The following TRAPPC10 variants were observed in gnomAD, a reference collection of about 807,000 sequenced individuals.
TRAPPC10 encodes the protein trafficking protein particle complex subunit 10.
A neutral mutation model predicts 125.5 loss-of-function variants in TRAPPC10; 23 were observed. The observed-to-expected ratio is 0.18, with a 90% CI of 0.13 to 0.26. The LOEUF (loss-of-function observed/expected upper bound fraction) is 0.26. Ranked by LOEUF, TRAPPC10 falls within the 10% of genes least tolerant of loss-of-function variation. The pLI, the probability that TRAPPC10 is intolerant of heterozygous loss-of-function variation, is 1.00. For missense variants in TRAPPC10, 1,123 were observed against 1,308.4 expected, an observed-to-expected ratio of 0.86 and a Z score of 2.19; for synonymous variants, 509 against 518.0, an observed-to-expected ratio of 0.98 and a Z score of 0.24.
At chr21:44,062,438 G>A (rs2036127731) in intron 6 of TRAPPC10, 1 of 526,244 alleles carries the variant, frequency 1.9e-6, no homozygotes, top group Admixed American at 6.4e-5. Context: ...GGGGCAGTAT[G>A]TGCCATTGGA....
At position 44,035,572 on chromosome 21, in the gene TRAPPC10, G is replaced by A. The variant is rs576432105; in HGVS notation, c.150-2220G>A. Among the ~76,000 whole-genome samples, 32 of 152,270 alleles carry A rather than the reference G, an allele frequency of 2.1e-4. No individual in the cohort carries two copies. The South Asian group carries it at 6.2e-3, about 30-fold the overall frequency. On this transcript the variant is annotated intron_variant, in intron 2 of 22. Transcript: ENST00000291574. ...GGGAGGCCAAGGCGGGTAGATTGGAGTTTAAGACCAGCCTGGCCAACATGG... is the reference window on the plus strand; with the variant it reads ...GGGAGGCCAAGGCGGGTAGATTGGAATTTAAGACCAGCCTGGCCAACATGG...
chr21:44,066,238 G>C (rs968292133), intron 7 of TRAPPC10, among the ~76,000 whole-genome samples: 1 of 152,196 alleles, frequency 6.6e-6, no homozygotes, highest in Non-Finnish European at 1.5e-5. Context: ...AGGAGGCAAC[G>C]AAGTGGCCAG....
intron 20 of TRAPPC10, among the ~76,000 whole-genome samples, chr21:44,094,825 T>G (rs984724668): frequency 1.3e-5 from 2 of 152,184 alleles, no homozygotes; most frequent in African/African-American, 4.8e-5. Context: ...TTCTTCTCTT[T>G]ACTATTTGAA....
At chr21:44,092,694 C>T (rs1452058360) in intron 19 of TRAPPC10, among the ~76,000 whole-genome samples, 3 of 152,138 alleles carry the variant, frequency 2.0e-5, no homozygotes, top group South Asian at 4.1e-4. Context: ...CATGTAATAG[C>T]GGTGTTCAGC....
chr21:44,074,790 C>A (rs904343165), intron 8 of TRAPPC10, among the ~76,000 whole-genome samples: 1 of 152,124 alleles, frequency 6.6e-6, no homozygotes, highest in African/African-American at 2.4e-5. Context: ...GTAGGCTGGG[C>A]TTATGCAGGT....
chr21:44,049,161 G>A (rs935877924), intron 3 of TRAPPC10, among the ~76,000 whole-genome samples: 8 of 152,064 alleles, frequency 5.3e-5, no homozygotes, highest in African/African-American at 1.5e-4. Flanking sequence ...TAGAGAACAC[G>A]TGTGTACACC....
At chr21:44,092,134 C>A in intron 19 of TRAPPC10, 85 bp downstream of exon 19, 1 of 1,530,866 alleles carries the variant, frequency 6.5e-7, no homozygotes, top group Non-Finnish European at 8.9e-7. Context: ...TGCGACTGAG[C>A]CTTTAGATAG....
intron 1 of TRAPPC10, among the ~76,000 whole-genome samples, chr21:44,029,932 A>G (rs1054532187): frequency 3.9e-5 from 6 of 152,242 alleles, no homozygotes; most frequent in African/African-American, 1.4e-4. Context: ...CATAACAGGT[A>G]CTGAGGTCAG....
At position 44,032,182 on chromosome 21, in the gene TRAPPC10, G is replaced by T; in HGVS notation, c.149+10G>T. ...CAATGGAATGGAGAAGGTATGAGTT[G>T]TGTGTTTTTTGGCTGTATCCCTCTC... On this transcript the variant is annotated intron_variant, in intron 2 of 22. Transcript: ENST00000291574. 8 of 1,609,798 alleles carry T rather than the reference G, an allele frequency of 5.0e-6. No individual in the cohort carries two copies. The highest frequency in any genetic ancestry group is 6.8e-6 in the Non-Finnish European group (8 of 1,178,110).
At chr21:44,032,786 C>G (rs886881551) in intron 2 of TRAPPC10, among the ~76,000 whole-genome samples, 1 of 152,146 alleles carries the variant, frequency 6.6e-6, no homozygotes, top group African/African-American at 2.4e-5. Context: ...TCATGGTTGA[C>G]CAGAATGTCT....
chr21:44,075,647 G>T (rs1221800624), intron 9 of TRAPPC10, among the ~76,000 whole-genome samples: 1 of 152,082 alleles, frequency 6.6e-6, no homozygotes, highest in African/African-American at 2.4e-5. Context: ...TACCATACTT[G>T]GCTAATTTTT....
intron 9 of TRAPPC10, among the ~76,000 whole-genome samples, chr21:44,075,552 C>T (rs1423978768): frequency 6.6e-6 from 1 of 151,884 alleles, no homozygotes; most frequent in Non-Finnish European, 1.5e-5. Flanking sequence ...GTGGCACAAT[C>T]TTGGCTCACT....
rs199930312 is a variant in TRAPPC10, at chr21:44,061,767, TA to T, written c.791-1770del. ...AAGAATGCCTAGAACTTAATCTGTTTATTTAGGTTTTTAATCGAGAAATCTA... is the reference window on the plus strand; with the variant it reads ...AAGAATGCCTAGAACTTAATCTGTTTTTTAGGTTTTTAATCGAGAAATCTA... On this transcript the variant is annotated intron_variant, in intron 6 of 22. Coordinates refer to ENST00000291574, the MANE Select transcript of TRAPPC10 (RefSeq NM_003274.5). Among the ~76,000 whole-genome samples, 1,453 of 152,348 alleles carry T rather than the reference TA, an allele frequency of 9.5e-3. 27 individuals carry two copies. Among genetic ancestry groups the T allele is most frequent in the African/African-American group, 0.033 (1,381 of 41,574 alleles).
chr21:44,048,191 G>C (rs2145808791), intron 3 of TRAPPC10, among the ~76,000 whole-genome samples: 1 of 152,310 alleles, frequency 6.6e-6, no homozygotes, highest in Non-Finnish European at 1.5e-5. Flanking sequence ...CGAGGGCCCT[G>C]TGCCGGTCTA....
Position 44,083,092 on chromosome 21 carries a change from G to T in TRAPPC10, c.2028G>T (p.Leu676Phe). Residue 676 changes from leucine (L) to phenylalanine (F), a missense_variant, in exon 14 of 23, where the codon TTG becomes TTT. Leu to Phe is a conservative substitution (Grantham distance 22). Around this residue, in one of 4 missense-constraint regions of TRAPPC10, gnomAD observed 840 missense variants for 902.0 expected, o/e 0.93. Coordinates refer to ENST00000291574, the MANE Select transcript of TRAPPC10 (RefSeq NM_003274.5). ...VSQNSLPALE[L>F]YEMFERSPSD... ...AAAACAGTTTGCCCGCGCTGGAGTT[G>T]TATGAAATGTTTGAGAGAAGCCCAT... 1 of 1,614,130 alleles carries T rather than the reference G, an allele frequency of 6.2e-7. No homozygotes were observed. Among genetic ancestry groups the T allele is most frequent in the Non-Finnish European group, 8.5e-7 (1 of 1,180,022 alleles).
rs764555132 is a variant in TRAPPC10 at position 44,087,435 on chromosome 21, T to C, written c.2540-264T>C. On this transcript the variant is annotated intron_variant, in intron 16 of 22. Coordinates refer to ENST00000291574, the MANE Select transcript of TRAPPC10 (RefSeq NM_003274.5). The surrounding 1 kb of genome is among the most constrained non-coding windows in gnomAD (Gnocchi z 4.6). ...AACGGGAGAAAGTCATGCAGGGACC[T>C]ACACAGGACTTGGGTGGGCCCCGTG... is the stretch of plus-strand genomic sequence containing the variant. Among the ~76,000 whole-genome samples the C allele has an allele frequency of 1.3e-5, 2 of 152,244 alleles. No homozygotes were observed. The highest frequency in any genetic ancestry group is 2.9e-5 in the Non-Finnish European group (2 of 68,040).
chr21:44,062,513 A>C (rs2036133540), intron 6 of TRAPPC10: 1 of 984,172 alleles, frequency 1.0e-6, no homozygotes, highest in Non-Finnish European at 1.2e-6. Context: ...CCTGACTGAA[A>C]TGTGGGAGTG....
Position 44,063,424 on chromosome 21 carries a change from A to T in TRAPPC10, c.791-114A>T. 6.9e-7 allele frequency: 1 copy of T among 1,457,362 alleles called. No homozygotes were observed. The highest frequency in any genetic ancestry group is 9.3e-7 in the Non-Finnish European group (1 of 1,076,988). 90.3% of individuals were successfully genotyped at this position (1,457,362 alleles called of 1,614,324 possible). On this transcript the variant is annotated intron_variant, in intron 6 of 22. Transcript: ENST00000291574. The surrounding 1 kb of genome is among the most constrained non-coding windows in gnomAD (Gnocchi z 4.4). ...GACCACAGGGGGTGGGCCAGTGTTC[A>T]TAGAAAAACTGGTTATGAAGCTGCC...
intron 4 of TRAPPC10, 103 bp from the exon 5 acceptor site, chr21:44,055,590 AAAAGG>A: frequency 1.1e-6 from 1 of 907,640 alleles, no homozygotes; most frequent in Non-Finnish European, 1.6e-6. Flanking sequence ...AAAAAAAAAA[AAAAGG>A]AGGAGGAAGG....
Sources: gnomAD v4.1 joint callset for allele counts (sites outside exome capture counted in the v4.1 genomes callset) on GRCh38, gnomAD v4.1.1 for gene constraint, gnomAD v4.1.1 regional missense constraint, Gnocchi (gnomAD v3.1) non-coding constraint, MANE v1.5 for transcripts, NCBI Gene and HGNC (gene_info 2026-07-23, HGNC 2026-07-21) for gene names.